PLA2G15: variants seen among roughly 807,000 people sequenced by gnomAD.
The protein encoded by PLA2G15 is lysosomal phospholipase A and acyltransferase.
In PLA2G15, 20 loss-of-function variants were observed where a neutral mutation model predicts 40.9. That is an observed-to-expected ratio of 0.49 (90% CI 0.34 to 0.71). PLA2G15 has a LOEUF of 0.71. PLA2G15 is among the 30% of genes least tolerant of loss of function. The probability of loss-of-function intolerance (pLI) is 0.01; values close to 1 mark genes in which losing one functional copy is unlikely to be tolerated. For missense variants in PLA2G15, 471 were observed against 541.9 expected (o/e 0.87, Z 1.30); for synonymous variants, 223 against 228.2 (o/e 0.98, Z 0.21).
In PLA2G15 at chr16:68,245,518, C is replaced by A; in HGVS notation, c.92C>A (p.Ala31Glu). Residue 31 changes from alanine to glutamate, a missense_variant, in exon 1 of 6, where the codon GCG becomes GAG. Physicochemically the swap from Ala to Glu is moderately radical, Grantham distance 107. Coordinates refer to ENST00000219345, the MANE Select transcript of PLA2G15 (RefSeq NM_012320.4). ...LLLLMLLADP[A>E]LPAGRHPPVV... ...CTGCTAATGCTGCTCGCGGACCCAG[C>A]GCTCCCGGCCGGACGTCACCCCCCA... 1 of 1,595,998 alleles carries A rather than the reference C, an allele frequency of 6.3e-7. No individual in the cohort carries two copies. Among genetic ancestry groups the A allele is most frequent in the Non-Finnish European group, 8.5e-7 (1 of 1,175,782 alleles).
At chr16:68,254,339 A>T (rs1324217587) in intron 2 of PLA2G15, 2 of 148,722 alleles carry the variant, frequency 1.3e-5, no homozygotes, top group Admixed American at 6.7e-5. Flanking sequence ...TTATTTATTT[A>T]TTTATTTATT....
chr16:68,252,287 G>C (rs970449304), intron 2 of PLA2G15, among the ~76,000 whole-genome samples: 6 of 152,196 alleles, frequency 3.9e-5, no homozygotes, highest in African/African-American at 1.4e-4. Flanking sequence ...TGGGTCAGTT[G>C]TGGGGATCCT....
chr16:68,245,637 CA>C, intron 1 of PLA2G15, 84 bp downstream of exon 1: 1 of 1,436,876 alleles, frequency 7.0e-7, no homozygotes, highest in Non-Finnish European at 9.5e-7. Flanking sequence ...GCTTCTGTTC[CA>C]GTCACGAAAT....
chr16:68,259,442 T>A lies in PLA2G15; in HGVS notation c.1024T>A (p.Phe342Ile). Residue 342 changes from phenylalanine to isoleucine, a missense_variant, in exon 6 of 6, where the codon TTC becomes ATC. Phe to Ile is a conservative substitution (Grantham distance 21). Transcript: ENST00000219345. This position sits in a 1 kb window ranked among gnomAD's most constrained non-coding sequence, Gnocchi z 6.5. ...YGTGVPTPDS[F>I]YYESFPDRDP... ...TACTGGCGTCCCCACACCAGACTCC[T>A]TCTACTATGAGAGCTTCCCTGACCG... 1 of 1,613,888 alleles carries A rather than the reference T, an allele frequency of 6.2e-7. No homozygotes were observed. Among genetic ancestry groups the A allele is most frequent in the Non-Finnish European group, 8.5e-7 (1 of 1,179,966 alleles).
In PLA2G15 at chr16:68,255,074, AT is replaced by A. The variant is rs779933747; in HGVS notation, c.403+38del. Reference sequence around the variant, plus strand: ...TTACTCAAGGCCTCCGGGAGCTGGGATGGGGTTTCTGCCGGACTGGAGCTGG... The same window carrying A: ...TTACTCAAGGCCTCCGGGAGCTGGGAGGGGTTTCTGCCGGACTGGAGCTGG... On this transcript the variant is annotated intron_variant, in intron 3 of 5. Transcript: ENST00000219345. This position sits in a 1 kb window ranked among gnomAD's most constrained non-coding sequence, Gnocchi z 5.9. The A allele has an allele frequency of 2.9e-6, 4 of 1,391,758 alleles. No homozygotes were observed. The African/African-American group carries it at 5.7e-5, about 20-fold the overall frequency. The allele number at this position is 1,391,758 out of a possible 1,614,324, so 86.2% of individuals were successfully genotyped here. A position where few individuals can be genotyped will look rare whatever the true frequency, so the allele number is the denominator to read the frequency against.
intron 1 of PLA2G15, 112 bp from the exon 2 acceptor site, chr16:68,249,178 G>A: frequency 1.2e-6 from 1 of 800,568 alleles, no homozygotes; most frequent in Middle Eastern, 3.0e-4. Flanking sequence ...GAACTGCACA[G>A]GTCTGCCATA....
At chr16:68,247,909 G>A (rs1290798613) in intron 1 of PLA2G15, among the ~76,000 whole-genome samples, 1 of 152,246 alleles carries the variant, frequency 6.6e-6, no homozygotes, top group African/African-American at 2.4e-5. Context: ...AGGTCAATGG[G>A]AGTAACGAGA....
At chr16:68,250,276 A>C in intron 2 of PLA2G15, 1 of 247,118 alleles carries the variant, frequency 4.0e-6, no homozygotes, top group Non-Finnish European at 7.3e-6. Flanking sequence ...TTTTTTTTTT[A>C]ACTTTTATTT....
chr16:68,259,723 G>A lies in PLA2G15; in HGVS notation c.*66G>A. 2 of 1,506,458 alleles carry A rather than the reference G, an allele frequency of 1.3e-6. No homozygotes were observed. The highest frequency in any genetic ancestry group is 1.8e-6 in the Non-Finnish European group (2 of 1,114,158). The allele number at this position is 1,506,458 out of a possible 1,614,324, so 93.3% of individuals were successfully genotyped here. A position where few individuals can be genotyped will look rare whatever the true frequency, so the allele number is the denominator to read the frequency against. ...GCTGTTGGCCTCTGGGGCTGTCATG[G>A]CCCACGCGTTTTGCAAAGTTTGTGA... On this transcript the variant is annotated 3_prime_UTR_variant, in exon 6 of 6. Transcript: ENST00000219345. The surrounding 1 kb of genome is among the most constrained non-coding windows in gnomAD (Gnocchi z 6.5).
intron 1 of PLA2G15, among the ~76,000 whole-genome samples, chr16:68,247,843 G>A (rs1457864710): frequency 1.3e-5 from 2 of 152,242 alleles, no homozygotes; most frequent in Admixed American, 1.3e-4. Context: ...ACCCTAAACG[G>A]GGATGTGTTT....
intron 2 of PLA2G15, chr16:68,252,468 TC>T (rs1427942914): frequency 2.3e-5 from 10 of 441,386 alleles, no homozygotes; most frequent in Middle Eastern, 6.6e-4. Flanking sequence ...ATAAGGTGTC[TC>T]CCCTGGCCCA....
intron 2 of PLA2G15, among the ~76,000 whole-genome samples, chr16:68,249,813 G>A (rs1480652169): frequency 6.6e-6 from 1 of 152,144 alleles, no homozygotes; most frequent in African/African-American, 2.4e-5. Flanking sequence ...CAAGTAGCTG[G>A]GATTACAGGT....
intron 5 of PLA2G15, among the ~76,000 whole-genome samples, chr16:68,257,942 C>G (rs2042414734): frequency 6.6e-6 from 1 of 152,160 alleles, no homozygotes; most frequent in Admixed American, 6.5e-5. Context: ...AGTCCGTGCA[C>G]CCCTAGGGGC....
At chr16:68,258,169 T>C (rs897494969) in intron 5 of PLA2G15, among the ~76,000 whole-genome samples, 1 of 152,194 alleles carries the variant, frequency 6.6e-6, no homozygotes, top group Non-Finnish European at 1.5e-5. Context: ...TTCCTGTGTA[T>C]AGGGACTCCG....
At chr16:68,257,921 G>A (rs1473325526) in intron 5 of PLA2G15, among the ~76,000 whole-genome samples, 5 of 152,154 alleles carry the variant, frequency 3.3e-5, no homozygotes, top group South Asian at 2.1e-4. Flanking sequence ...TGTGTGGTGC[G>A]GGGAGGTGGA....
At chr16:68,254,602 G>A (rs2042385711) in intron 2 of PLA2G15, 2 of 190,068 alleles carry the variant, frequency 1.1e-5, no homozygotes, top group African/African-American at 4.7e-5. Context: ...GCCTCCCAAA[G>A]TGCTGGGATT....
intron 5 of PLA2G15, 173 bp downstream of exon 5, chr16:68,256,163 T>C: frequency 1.8e-6 from 1 of 565,948 alleles, no homozygotes; most frequent in Non-Finnish European, 3.1e-6. Flanking sequence ...AAATCTAGTT[T>C]CTCAGAGAAA....
At chr16:68,257,468 T>G (rs887875990) in intron 5 of PLA2G15, among the ~76,000 whole-genome samples, 1 of 152,166 alleles carries the variant, frequency 6.6e-6, no homozygotes, top group Admixed American at 6.5e-5. Flanking sequence ...CTTTTATGGC[T>G]CCTCCCCCGT....
At chr16:68,253,319 C>T (rs575431559) in intron 2 of PLA2G15, 51 of 353,518 alleles carry the variant, frequency 1.4e-4, no homozygotes, top group Non-Finnish European at 2.4e-4. Flanking sequence ...CTCCTACCTG[C>T]CTACCCACCC....
Sources: allele counts gnomAD v4.1 joint callset (sites outside exome capture counted in the v4.1 genomes callset), GRCh38; gene constraint gnomAD v4.1.1; non-coding constraint Gnocchi (gnomAD v3.1); transcripts MANE v1.5; gene names NCBI Gene and HGNC (gene_info 2026-07-23, HGNC 2026-07-21).